Variants in SAMD5 observed in about 807,000 individuals in gnomAD.
The protein encoded by SAMD5 is sterile alpha motif domain containing 5.
A neutral mutation model predicts 11.3 loss-of-function variants in SAMD5; 13 were observed. The ratio of observed to expected loss-of-function variants is 1.15; its 90% CI spans 0.75 to 1.83. The LOEUF is 1.83. SAMD5 is among the 40% of genes most tolerant of loss of function. The pLI is 0.00. For missense variants in SAMD5, 255 were observed against 239.1 expected (o/e 1.07, Z -0.44); for synonymous variants, 129 against 111.3 (o/e 1.16, Z -1.00).
chr6:147,736,684 T>A (rs1157671948), intron 1 of SAMD5, among the ~76,000 whole-genome samples: 1 of 152,182 alleles, frequency 6.6e-6, no homozygotes, highest in Non-Finnish European at 1.5e-5. Flanking sequence ...CCATTTCAGA[T>A]AGGCTGAAAT....
At chr6:147,898,311 G>T in the SAMD5 span, among the ~76,000 whole-genome samples, 1 of 152,166 alleles carries the variant, frequency 6.6e-6, no homozygotes, top group Admixed American at 6.5e-5. Context: ...TGATCAGAAG[G>T]TTACTCAGTG....
the SAMD5 span, among the ~76,000 whole-genome samples, chr6:147,799,437 C>T: frequency 1.4e-4 from 22 of 151,844 alleles, no homozygotes; most frequent in East Asian, 5.8e-4. Context: ...CCGAGAGATC[C>T]GCTGTTAGTC....
intron 1 of SAMD5, among the ~76,000 whole-genome samples, chr6:147,595,728 T>A (rs1789521777): frequency 6.6e-6 from 1 of 151,968 alleles, no homozygotes; most frequent in Non-Finnish European, 1.5e-5. Flanking sequence ...TGTTTCACCA[T>A]GTTGGCCAGG....
intron 1 of SAMD5, chr6:147,729,654 C>T: frequency 2.6e-6 from 1 of 392,048 alleles, no homozygotes; most frequent in East Asian, 7.5e-5. Context: ...GATGGAGCCG[C>T]CAAGGGAGGA....
intron 1 of SAMD5, among the ~76,000 whole-genome samples, chr6:147,707,495 A>G (rs1045182907): frequency 6.6e-6 from 1 of 152,176 alleles, no homozygotes; most frequent in African/African-American, 2.4e-5. Context: ...AGGAAGAGAG[A>G]TGAAGATTTC....
intron 1 of SAMD5, among the ~76,000 whole-genome samples, chr6:147,587,331 A>C (rs1789388112): frequency 6.6e-6 from 1 of 152,046 alleles, no homozygotes; most frequent in Admixed American, 6.5e-5. Flanking sequence ...TCTGTCTCCC[A>C]GGTTCAAGTG....
At chr6:147,701,148 T>C (rs984640148) in intron 1 of SAMD5, among the ~76,000 whole-genome samples, 2 of 152,198 alleles carry the variant, frequency 1.3e-5, no homozygotes, top group Admixed American at 6.5e-5. Flanking sequence ...CAGCCGTTAT[T>C]TGAGGGGTTC....
chr6:147,837,391 C>T, the SAMD5 span, among the ~76,000 whole-genome samples: 12 of 152,286 alleles, frequency 7.9e-5, no homozygotes, highest in South Asian at 2.3e-3. Context: ...TAAGCCAACT[C>T]GCTCATGGCA....
chr6:147,825,934 A>G, the SAMD5 span, among the ~76,000 whole-genome samples: 2 of 152,228 alleles, frequency 1.3e-5, no homozygotes, highest in Non-Finnish European at 2.9e-5. Context: ...GATTTTATTA[A>G]TCCCACCTGT....
At chr6:147,596,799 G>A (rs1789538393) in intron 1 of SAMD5, among the ~76,000 whole-genome samples, 2 of 152,110 alleles carry the variant, frequency 1.3e-5, no homozygotes, top group Non-Finnish European at 2.9e-5. Flanking sequence ...TGGTTAGATG[G>A]GTGTTGTGGA....
intron 1 of SAMD5, among the ~76,000 whole-genome samples, chr6:147,697,781 A>G (rs1346694939): frequency 1.3e-5 from 2 of 152,184 alleles, no homozygotes; most frequent in Non-Finnish European, 2.9e-5. Flanking sequence ...CAGTTCTTCT[A>G]TACTTTACTT....
At chr6:147,928,411 A>G in the SAMD5 span, among the ~76,000 whole-genome samples, 1 of 152,284 alleles carries the variant, frequency 6.6e-6, no homozygotes, top group East Asian at 1.9e-4. Context: ...GAATGTCTCC[A>G]GGGATTTATC....
the SAMD5 span, among the ~76,000 whole-genome samples, chr6:147,914,330 A>AGACAACAACAACAAC: frequency 6.6e-6 from 1 of 152,158 alleles, no homozygotes; most frequent in African/African-American, 2.4e-5. Flanking sequence ...AAAAGAAAAC[A>AGACAACAACAACAAC]GACAACAACA....
rs372207454 is a variant in SAMD5 at position 147,526,492 on chromosome 6, A to G, written c.459+17105A>G. 2.6e-5 allele frequency among the ~76,000 whole-genome samples: 4 copies of G among 152,228 alleles called. No individual in the cohort carries two copies. The East Asian group carries it at 5.8e-4, about 22-fold the overall frequency. On this transcript the variant is annotated intron_variant, in intron 1 of 1. Transcript: ENST00000367474. ...AGCATCATATGAATGCCAAAATGAA[A>G]TACAAACCTGTGGGAGCACCAAGGA...
chr6:147,763,495 T>C, the SAMD5 span, among the ~76,000 whole-genome samples: 1 of 151,026 alleles, frequency 6.6e-6, no homozygotes, highest in Non-Finnish European at 1.5e-5. Context: ...AACCAGAGTC[T>C]ATGCTCTATT....
chr6:147,953,546 T>C, the SAMD5 span: 3 of 152,218 alleles, frequency 2.0e-5, no homozygotes, highest in African/African-American at 4.8e-5. Flanking sequence ...TTTGAAACTA[T>C]GCATTTCAAG....
In SAMD5 at chr6:147,509,115, C is replaced by A. The variant is rs760553182; in HGVS notation, c.187C>A (p.Arg63=). The change falls in exon 1 of 2, where the codon CGG becomes AGG. Residue 63 remains arginine (R), a synonymous_variant. Transcript: ENST00000367474. ...TATCCTGGAGGCCGTGCGCCGGCTG[C>A]GGGAGCAGGACGCCAACGCCGCCGG... is the stretch of plus-strand genomic sequence containing the variant. The part of the protein sequence containing the change: ...RRILEAVRRL[R]EQDANAAGLY... 3 of 1,580,574 alleles carry A rather than the reference C, an allele frequency of 1.9e-6. No homozygotes were observed. Among genetic ancestry groups the A allele is most frequent in the African/African-American group, 1.4e-5 (1 of 72,818 alleles).
chr6:147,868,978 G>A, the SAMD5 span, among the ~76,000 whole-genome samples: 3 of 152,160 alleles, frequency 2.0e-5, no homozygotes, highest in Admixed American at 6.5e-5. Flanking sequence ...ATGGAAAGGG[G>A]AATTAAGAGC....
At chr6:147,748,469 G>C in the SAMD5 span, among the ~76,000 whole-genome samples, 2 of 152,210 alleles carry the variant, frequency 1.3e-5, no homozygotes, top group East Asian at 3.8e-4. Flanking sequence ...TACATACTTA[G>C]AGCAGTACAT....
Sources: allele counts gnomAD v4.1 joint callset (sites outside exome capture counted in the v4.1 genomes callset), GRCh38; gene constraint gnomAD v4.1.1; transcripts MANE v1.5; gene names NCBI Gene and HGNC (gene_info 2026-07-23, HGNC 2026-07-21).